The following SEL1L variants were observed in gnomAD, a reference collection of about 807,000 sequenced individuals.
SEL1L encodes the protein protein sel-1 homolog 1.
In SEL1L, 52 loss-of-function variants were observed where a neutral mutation model predicts 109.8. That is an observed-to-expected ratio of 0.47 (90% CI 0.38 to 0.60). SEL1L has a LOEUF of 0.60. SEL1L is among the 20% of genes least tolerant of loss of function. SEL1L has a pLI of 0.00. For synonymous variants in SEL1L, 373 were observed against 339.6 expected (o/e 1.10, Z -1.08); for missense variants, 749 against 962.2 (o/e 0.78, Z 2.93).
intron 3 of SEL1L, among the ~76,000 whole-genome samples, chr14:81,521,671 A>G (rs1884910823): frequency 6.6e-6 from 1 of 152,252 alleles, no homozygotes; most frequent in South Asian, 2.1e-4. Flanking sequence ...CCAGTTGTAT[A>G]AAAGTATAGT....
At chr14:81,513,705 G>A (rs972504011) in intron 3 of SEL1L, among the ~76,000 whole-genome samples, 4 of 152,162 alleles carry the variant, frequency 2.6e-5, no homozygotes, top group East Asian at 1.9e-4. Context: ...TAGCGCGGCC[G>A]CCGGACTAAA....
Position 81,486,467 on chromosome 14 carries a change from G to A in SEL1L, c.1633-13C>T. 1.9e-6 allele frequency: 3 copies of A among 1,603,252 alleles called. No homozygotes were observed. Among genetic ancestry groups the A allele is most frequent in the South Asian group, 1.1e-5 (1 of 89,114 alleles). ...CATTCTTAAACAACTGTGTGAGGTG[G>A]GGAAAAAAAATATCAGTAGAAGAAA... On this transcript the variant is annotated splice_polypyrimidine_tract_variant and intron_variant, in intron 16 of 20. Transcript: ENST00000336735.
intron 1 of SEL1L, among the ~76,000 whole-genome samples, chr14:81,528,131 C>T (rs1370596169): frequency 6.6e-6 from 1 of 152,154 alleles, no homozygotes; most frequent in Admixed American, 6.5e-5. Context: ...GGGCTTCCAC[C>T]TATTCTGTTT....
At chr14:81,516,369 C>T (rs1445298822) in intron 3 of SEL1L, among the ~76,000 whole-genome samples, 1 of 152,188 alleles carries the variant, frequency 6.6e-6, no homozygotes, top group Non-Finnish European at 1.5e-5. Flanking sequence ...GGTATTTCTC[C>T]CACCTCCTCA....
chr14:81,519,901 T>C (rs1360061020), intron 3 of SEL1L, among the ~76,000 whole-genome samples: 1 of 152,160 alleles, frequency 6.6e-6, no homozygotes, highest in Non-Finnish European at 1.5e-5. Flanking sequence ...AAGGGTTTTG[T>C]ATTGCTGAAA....
chr14:81,521,716 T>C (rs989873284), intron 3 of SEL1L, among the ~76,000 whole-genome samples: 10 of 152,200 alleles, frequency 6.6e-5, no homozygotes, highest in Admixed American at 2.6e-4. Context: ...CACTTGATAG[T>C]GATAACAAAC....
intron 3 of SEL1L, among the ~76,000 whole-genome samples, chr14:81,512,867 A>G (rs76843801): frequency 0.042 from 6,420 of 152,352 alleles, 198 homozygotes; most frequent in Non-Finnish European, 0.063. Flanking sequence ...GATATGCAGA[A>G]AACAGTTAAC....
intron 6 of SEL1L, 63 bp from the exon 7 acceptor site, chr14:81,499,725 G>T: frequency 7.6e-7 from 1 of 1,321,978 alleles, no homozygotes; most frequent in Non-Finnish European, 1.1e-6. Context: ...GACAGACACA[G>T]ACAGACACAG....
intron 13 of SEL1L, 151 bp downstream of exon 13, chr14:81,490,237 A>C: frequency 1.7e-6 from 1 of 586,834 alleles, no homozygotes. Flanking sequence ...GGCTTTGTTT[A>C]ATTAATACAT....
chr14:81,530,356 T>C (rs939404285), intron 1 of SEL1L, among the ~76,000 whole-genome samples: 1 of 152,198 alleles, frequency 6.6e-6, no homozygotes. Flanking sequence ...CATGGTTCAG[T>C]AACAAAAGCT....
chr14:81,503,677 A>G (rs1404361463), intron 5 of SEL1L, among the ~76,000 whole-genome samples: 1 of 152,186 alleles, frequency 6.6e-6, no homozygotes, highest in Non-Finnish European at 1.5e-5. Context: ...CCGATTTGCA[A>G]TAAGAGAATA....
intron 8 of SEL1L, 62 bp from the exon 9 acceptor site, chr14:81,498,556 G>T (rs1883876395): frequency 1.6e-6 from 2 of 1,284,606 alleles, no homozygotes; most frequent in South Asian, 1.2e-5. Flanking sequence ...ATTCTTCGTG[G>T]AACAAATAAA....
Position 81,526,496 on chromosome 14 carries a change from A to G in SEL1L, c.340+237T>C, listed in dbSNP as rs573099176. On this transcript the variant is annotated intron_variant, in intron 3 of 20. Transcript: ENST00000336735. The stretch of plus-strand genomic sequence containing the variant: ...TCCAAAAAGAAACGTCAGGATATTA[A>G]TAAAAAGATAAATGCAATCTCATCT... Among the ~76,000 whole-genome samples the G allele has an allele frequency of 2.0e-5, 3 of 152,340 alleles. No individual in the cohort carries two copies. The South Asian group carries it at 6.2e-4, about 32-fold the overall frequency.
intron 11 of SEL1L, among the ~76,000 whole-genome samples, chr14:81,494,842 G>A (rs1454936710): frequency 2.6e-5 from 4 of 152,168 alleles, no homozygotes; most frequent in African/African-American, 9.6e-5. Flanking sequence ...AAAGGTCAAA[G>A]ACCAAAACTA....
At chr14:81,514,394 A>G (rs1349398154) in intron 3 of SEL1L, among the ~76,000 whole-genome samples, 1 of 152,214 alleles carries the variant, frequency 6.6e-6, no homozygotes. Context: ...TAACATCTTT[A>G]TAGGACATGG....
At chr14:81,510,086 C>G (rs374042214) in intron 3 of SEL1L, among the ~76,000 whole-genome samples, 1 of 152,142 alleles carries the variant, frequency 6.6e-6, no homozygotes, top group East Asian at 1.9e-4. Context: ...CAAGATCAGA[C>G]AAATTCTAAG....
intron 3 of SEL1L, among the ~76,000 whole-genome samples, chr14:81,510,212 G>T (rs1304705705): frequency 6.6e-6 from 1 of 152,196 alleles, no homozygotes; most frequent in African/African-American, 2.4e-5. Flanking sequence ...TAGTGGAGAA[G>T]AGTAGATTTA....
chr14:81,532,582 G>A (rs1217753024), intron 1 of SEL1L, among the ~76,000 whole-genome samples: 2 of 152,108 alleles, frequency 1.3e-5, no homozygotes, highest in Non-Finnish European at 2.9e-5. Context: ...CTTTTGAAAT[G>A]GTATCTCAAA....
chr14:81,479,739 T>A lies in SEL1L; in HGVS notation c.2048A>T (p.Asp683Val). 6.2e-7 allele frequency: 1 copy of A among 1,611,882 alleles called. No individual in the cohort carries two copies. Among genetic ancestry groups the A allele is most frequent in the Non-Finnish European group, 8.5e-7 (1 of 1,179,324 alleles). ...MHEKGLGIKQ[D>V]IHLAKRFYDM... Reference sequence around the variant, plus strand: ...ATAAAAACGTTTCGCAAGGTGAATATCCTATAATACAGGTAAGAAACAAAA... The same window carrying A: ...ATAAAAACGTTTCGCAAGGTGAATAACCTATAATACAGGTAAGAAACAAAA... The change falls in exon 20 of 21, where the codon GAT becomes GTT. Residue 683 changes from aspartate (D) to valine (V), a missense_variant and splice_region_variant. Physicochemically the swap from Asp to Val is radical, Grantham distance 152. Coordinates refer to ENST00000336735, the MANE Select transcript of SEL1L (RefSeq NM_005065.6).
Sources: gnomAD v4.1 joint callset for allele counts (sites outside exome capture counted in the v4.1 genomes callset) on GRCh38, gnomAD v4.1.1 for gene constraint, MANE v1.5 for transcripts, NCBI Gene and HGNC (gene_info 2026-07-23, HGNC 2026-07-21) for gene names.